The following SH3RF2 variants were observed in gnomAD, a reference collection of about 807,000 sequenced individuals.
SH3RF2 encodes the protein SH3 domain containing ring finger 2.
A neutral mutation model predicts 59.0 loss-of-function variants in SH3RF2; 43 were observed. The observed-to-expected ratio is 0.73, with a 90% CI of 0.57 to 0.94. SH3RF2 has a LOEUF of 0.94. SH3RF2 is among the 40% of genes least tolerant of loss of function. SH3RF2 has a pLI of 0.00. For synonymous variants in SH3RF2, 391 were observed against 391.5 expected (o/e 1.00, Z 0.01); for missense variants, 930 against 940.1 (o/e 0.99, Z 0.14).
chr5:145,942,450 G>A (rs1472184280), intron 2 of SH3RF2, among the ~76,000 whole-genome samples: 1 of 152,126 alleles, frequency 6.6e-6, no homozygotes, highest in Non-Finnish European at 1.5e-5. Flanking sequence ...TTCAGCTGGT[G>A]TTGCAAGCAA....
intron 5 of SH3RF2, among the ~76,000 whole-genome samples, chr5:146,027,604 T>G (rs1331564182): frequency 6.6e-6 from 1 of 152,188 alleles, no homozygotes; most frequent in Non-Finnish European, 1.5e-5. Flanking sequence ...GCGTGCAAAG[T>G]GCTAGTGAGG....
exon 10 of SH3RF2, chr5:146,079,169 C>T (rs1274878823): frequency 6.6e-6 from 1 of 152,078 alleles, no homozygotes. Context: ...AACTGCAATG[C>T]TTACAAAGAG....
intron 2 of SH3RF2, chr5:145,997,212 T>C: frequency 1.2e-6 from 1 of 848,188 alleles, no homozygotes; most frequent in Non-Finnish European, 2.0e-6. Context: ...TTCACCCTGC[T>C]AGTAGATGGG....
At chr5:146,063,664 A>C (rs1443669092), downstream of SH3RF2, among the ~76,000 whole-genome samples, 1 of 152,222 alleles carries the variant, frequency 6.6e-6, no homozygotes, top group Non-Finnish European at 1.5e-5. Flanking sequence ...GTTTGAGACC[A>C]GCCTGGCCAA....
chr5:146,033,182 GTGTTTAGGAA>G (rs1299049486), intron 5 of SH3RF2, among the ~76,000 whole-genome samples: 1 of 152,204 alleles, frequency 6.6e-6, no homozygotes, highest in Non-Finnish European at 1.5e-5. Context: ...AGATAATAGA[GTGTTTAGGAA>G]TGTGTGGCCT....
downstream of SH3RF2, among the ~76,000 whole-genome samples, chr5:146,064,141 A>G (rs1762988882): frequency 6.6e-6 from 1 of 151,964 alleles, no homozygotes; most frequent in South Asian, 2.1e-4. Context: ...GGGAGAGGAG[A>G]AGGAGAAAGA....
intron 2 of SH3RF2, among the ~76,000 whole-genome samples, chr5:145,977,899 T>C (rs1759355226): frequency 6.6e-6 from 1 of 152,240 alleles, no homozygotes; most frequent in African/African-American, 2.4e-5. Context: ...GATTGACCCC[T>C]GTTTCACAGA....
chr5:145,962,427 T>G (rs533083667), intron 2 of SH3RF2, among the ~76,000 whole-genome samples: 26 of 152,368 alleles, frequency 1.7e-4, no homozygotes, highest in Non-Finnish European at 3.4e-4. Context: ...TCCCAATGCC[T>G]TATTAATTCT....
chr5:146,014,072 A>T lies in SH3RF2; in HGVS notation c.1059+11A>T. On this transcript the variant is annotated intron_variant, in intron 5 of 9. Transcript: ENST00000359120. ...AGCTGTGTGGGACAGGTAGGGAAGA[A>T]ACGCCTGGGATGAGGGCACTTTGGA... 6.2e-7 allele frequency: 1 copy of T among 1,609,736 alleles called. No individual in the cohort carries two copies. The highest frequency in any genetic ancestry group is 8.5e-7 in the Non-Finnish European group (1 of 1,179,030).
At chr5:145,986,002 C>CAAGTAAATAAATAAAT (rs1554113078) in intron 2 of SH3RF2, among the ~76,000 whole-genome samples, 1 of 144,182 alleles carries the variant, frequency 6.9e-6, no homozygotes, top group East Asian at 2.1e-4. Context: ...AGACTTGTCT[C>CAAGTAAATAAATAAAT]AAATAAATAA....
exon 10 of SH3RF2, chr5:146,080,822 A>AG (rs2150031322): frequency 6.6e-6 from 1 of 150,588 alleles, no homozygotes; most frequent in East Asian, 1.9e-4. Flanking sequence ...TCTTCGAGAC[A>AG]GAGTCTCGCT....
chr5:145,997,286 A>C, intron 2 of SH3RF2: 1 of 987,032 alleles, frequency 1.0e-6, no homozygotes, highest in Non-Finnish European at 1.6e-6. Flanking sequence ...GAACCAAAGA[A>C]GAGGAATCCA....
intron 2 of SH3RF2, among the ~76,000 whole-genome samples, chr5:145,999,283 G>A (rs1459314797): frequency 1.3e-5 from 2 of 152,192 alleles, no homozygotes; most frequent in African/African-American, 2.4e-5. Context: ...TTGAGGGTCT[G>A]TTGTGTCTGG....
At chr5:146,052,278 G>A (rs2150017057) in intron 7 of SH3RF2, among the ~76,000 whole-genome samples, 2 of 152,272 alleles carry the variant, frequency 1.3e-5, no homozygotes, top group Middle Eastern at 3.4e-3. Flanking sequence ...CCTAAATAGA[G>A]TGTGTGTAGA....
intron 2 of SH3RF2, among the ~76,000 whole-genome samples, chr5:145,966,407 GACAA>G (rs1432048185): frequency 1.3e-5 from 2 of 152,228 alleles, no homozygotes; most frequent in African/African-American, 2.4e-5. Context: ...AATAAAGGGA[GACAA>G]ACAATGAATA....
At chr5:146,064,155 G>A (rs74987279), downstream of SH3RF2, among the ~76,000 whole-genome samples, 1,190 of 152,184 alleles carry the variant, frequency 7.8e-3, 15 homozygotes, top group African/African-American at 0.027. Context: ...AGAAAGAGGA[G>A]GGGTTAAAGA....
chr5:145,953,441 C>T (rs1436378511), intron 2 of SH3RF2, among the ~76,000 whole-genome samples: 3 of 151,954 alleles, frequency 2.0e-5, no homozygotes, highest in Admixed American at 6.6e-5. Context: ...AGCACTGAGG[C>T]GAGTGGCATG....
intron 4 of SH3RF2, among the ~76,000 whole-genome samples, chr5:146,011,312 G>T (rs555872244): frequency 9.9e-5 from 15 of 152,224 alleles, no homozygotes; most frequent in African/African-American, 3.6e-4. Context: ...GTCAGGTAGC[G>T]TGATGCCTCC....
intron 7 of SH3RF2, among the ~76,000 whole-genome samples, chr5:146,053,631 C>T (rs1762573863): frequency 6.6e-6 from 1 of 152,196 alleles, no homozygotes; most frequent in African/African-American, 2.4e-5. Flanking sequence ...TTGGACTCTT[C>T]CTGCTGCTGA....
Sources: gnomAD v4.1 joint callset for allele counts (sites outside exome capture counted in the v4.1 genomes callset) on GRCh38, gnomAD v4.1.1 for gene constraint, MANE v1.5 for transcripts, NCBI Gene and HGNC (gene_info 2026-07-23, HGNC 2026-07-21) for gene names.